FAT4: variants seen among roughly 807,000 people sequenced by gnomAD.
The protein encoded by FAT4 is protocadherin Fat 4.
FAT4 carries 84 observed loss-of-function variants against 303.9 expected under a neutral mutation model. The observed-to-expected ratio is 0.28, with a 90% CI of 0.23 to 0.33. FAT4 has a LOEUF of 0.33. Among genes scored for constraint, FAT4 ranks in the 10% least tolerant of loss-of-function variants. The pLI is 1.00. For missense variants in FAT4, 6,005 were observed against 6,146.8 expected, an observed-to-expected ratio of 0.98 and a Z score of 0.77; for synonymous variants, 2,307 against 2,298.8, an observed-to-expected ratio of 1.00 and a Z score of -0.10.
chr4:125,366,772 G>T (rs1027986541), intron 2 of FAT4, among the ~76,000 whole-genome samples: 1 of 151,870 alleles, frequency 6.6e-6, no homozygotes, highest in African/African-American at 2.4e-5. Flanking sequence ...TTATTTTTTT[G>T]ACTTTTTAGT....
chr4:125,375,475 C>T (rs1395670438), intron 2 of FAT4, among the ~76,000 whole-genome samples: 6 of 152,268 alleles, frequency 3.9e-5, no homozygotes, highest in Non-Finnish European at 7.4e-5. Flanking sequence ...ACATTCTTGC[C>T]CAGGCCTTGG....
chr4:125,455,941 C>A (rs1726263555), intron 10 of FAT4, among the ~76,000 whole-genome samples: 1 of 152,138 alleles, frequency 6.6e-6, no homozygotes, highest in Admixed American at 6.6e-5. Flanking sequence ...GAACATTCAC[C>A]AATGGGCGCA....
chr4:125,392,701 TA>T (rs1404806948), intron 2 of FAT4, among the ~76,000 whole-genome samples: 1 of 152,166 alleles, frequency 6.6e-6, no homozygotes, highest in Non-Finnish European at 1.5e-5. Flanking sequence ...TAAAAGAACC[TA>T]AAAATAGGCA....
intron 10 of FAT4, among the ~76,000 whole-genome samples, chr4:125,454,875 T>G (rs1370079689): frequency 1.3e-5 from 2 of 152,176 alleles, no homozygotes. Flanking sequence ...CTGTGCAGTA[T>G]TCAGTAATTG....
rs995967911 is a variant in FAT4, at chr4:125,319,775, G to C, written c.3364G>C (p.Val1122Leu). Residue 1122 changes from valine (V) to leucine (L), a missense_variant, in exon 2 of 18, where the codon GTA (valine) becomes CTA (leucine). Val to Leu is a conservative substitution (Grantham distance 32). Coordinates refer to ENST00000394329, the MANE Select transcript of FAT4 (RefSeq NM_001291303.3). ...EQRAGSFVGK[V>L]SAVDKDFGPN... ...GAGGGCTGGGTCGTTTGTGGGCAAA[G>C]TAAGTGCTGTAGATAAAGACTTTGG... 3.7e-6 allele frequency: 6 copies of C among 1,614,226 alleles called. No homozygotes were observed. Among genetic ancestry groups the C allele is most frequent in the Non-Finnish European group, 5.1e-6 (6 of 1,180,042 alleles).
chr4:125,408,729 C>A lies in FAT4; in HGVS notation c.5855C>A (p.Ser1952Tyr). The A allele has an allele frequency of 6.2e-7, 1 of 1,609,676 alleles. No homozygotes were observed. Among genetic ancestry groups the A allele is most frequent in the Non-Finnish European group, 8.5e-7 (1 of 1,177,316 alleles). Residue 1952 changes from serine to tyrosine, a missense_variant, in exon 5 of 18, where the codon TCT (serine) becomes TAT (tyrosine). Physicochemically the swap from Ser to Tyr is moderately radical, Grantham distance 144. Transcript: ENST00000394329. The part of the protein sequence containing the change: ...PIFSLNSYST[S>Y]LMENLPVGST... ...TTCAGCTTGAATTCATACAGCACATCTTTAATGGAGAATCTACCTGTGGGA... is the reference window on the plus strand; with the variant it reads ...TTCAGCTTGAATTCATACAGCACATATTTAATGGAGAATCTACCTGTGGGA...
chr4:125,345,971 T>C (rs1027718956), intron 2 of FAT4, among the ~76,000 whole-genome samples: 9 of 151,010 alleles, frequency 6.0e-5, no homozygotes, highest in Non-Finnish European at 1.2e-4. Context: ...CCTCCCCCTC[T>C]TTTTTTTTAT....
chr4:125,405,759 C>G (rs1421892124), intron 3 of FAT4, among the ~76,000 whole-genome samples: 1 of 151,994 alleles, frequency 6.6e-6, no homozygotes, highest in Admixed American at 6.6e-5. Context: ...ACCTTAGCCT[C>G]CCAAAGTGCT....
At position 125,471,790 on chromosome 4, in the gene FAT4, G is replaced by A. The variant is rs1271593389; in HGVS notation, c.12213+2971G>A. Reference sequence around the variant, plus strand: ...CTGGTGGCCAGGCGGGGTGGCTCACGCCTGTAATCCCAGCACTTTGGGAGG... The same window carrying A: ...CTGGTGGCCAGGCGGGGTGGCTCACACCTGTAATCCCAGCACTTTGGGAGG... On this transcript the variant is annotated intron_variant, in intron 12 of 17. Coordinates refer to ENST00000394329, the MANE Select transcript of FAT4 (RefSeq NM_001291303.3). Among the ~76,000 whole-genome samples the A allele has an allele frequency of 4.7e-5, 7 of 149,450 alleles. No homozygotes were observed. In the East Asian group the frequency reaches 7.9e-4, roughly 17 times the overall value.
At chr4:125,330,347 G>A (rs1731331655) in intron 2 of FAT4, among the ~76,000 whole-genome samples, 1 of 152,060 alleles carries the variant, frequency 6.6e-6, no homozygotes, top group Non-Finnish European at 1.5e-5. Context: ...CTCCCATAAG[G>A]CTTACCAGCC....
intron 15 of FAT4, 46 bp from the exon 16 acceptor site, chr4:125,481,475 T>C: frequency 6.5e-7 from 1 of 1,544,256 alleles, no homozygotes; most frequent in South Asian, 1.1e-5. Flanking sequence ...CTCCAAGAAA[T>C]GCCAAATGAA....
At chr4:125,328,502 G>T (rs193006458) in intron 2 of FAT4, among the ~76,000 whole-genome samples, 81 of 152,272 alleles carry the variant, frequency 5.3e-4, no homozygotes, top group African/African-American at 1.9e-3. Context: ...AAAAACCAAA[G>T]AATTTTAAGG....
chr4:125,413,756 TAAAGA>T (rs1217455386), intron 5 of FAT4, among the ~76,000 whole-genome samples: 2 of 151,958 alleles, frequency 1.3e-5, no homozygotes, highest in African/African-American at 4.8e-5. Flanking sequence ...AGAATTTTTT[TAAAGA>T]AAAGAGTAAA....
intron 16 of FAT4, 140 bp downstream of exon 16, chr4:125,481,878 A>G (rs1560634331): frequency 7.1e-6 from 5 of 704,024 alleles, no homozygotes; most frequent in South Asian, 3.7e-5. Context: ...TTCCAATGTC[A>G]TCTATCTTAA....
At chr4:125,390,773 T>G (rs1421517024) in intron 2 of FAT4, among the ~76,000 whole-genome samples, 1 of 152,172 alleles carries the variant, frequency 6.6e-6, no homozygotes, top group Non-Finnish European at 1.5e-5. Context: ...AGATGGGCAA[T>G]GTGTAGGACC....
In FAT4 at chr4:125,450,487, C is replaced by T. The variant is rs1726017866; in HGVS notation, c.9477C>T (p.Cys3159=). 1.9e-6 allele frequency: 3 copies of T among 1,613,946 alleles called. No individual in the cohort carries two copies. In the African/African-American group the frequency reaches 4.0e-5, roughly 22 times the overall value. Residue 3159 remains cysteine, a synonymous_variant, in exon 10 of 18, where the codon TGC becomes TGT. Coordinates refer to ENST00000394329, the MANE Select transcript of FAT4 (RefSeq NM_001291303.3). ...CCAAAGCTCTTGATTATGAGCTATG[C>T]CAGAAACACGAAATGACGATTAGTG... ...TLAKALDYEL[C]QKHEMTISAI... is the part of the protein sequence containing the mutation.
chr4:125,315,700 C>G lies in FAT4; in HGVS notation c.-290C>G, dbSNP rs1434308889. Among the ~76,000 whole-genome samples the G allele has an allele frequency of 6.6e-6, 1 of 152,174 alleles. No individual in the cohort carries two copies. The highest frequency in any genetic ancestry group is 1.5e-5 in the Non-Finnish European group (1 of 68,020). On this transcript the variant is annotated 5_prime_UTR_variant, in exon 1 of 18. Transcript: ENST00000394329. ...GGAGGGGAAGGGGCAGAGTTGAGCGCTCCCGGGTACGGGAGCCAGAGCGCG... is the reference window on the plus strand; with the variant it reads ...GGAGGGGAAGGGGCAGAGTTGAGCGGTCCCGGGTACGGGAGCCAGAGCGCG...
rs768198021 is a variant in FAT4 at position 125,447,780 on chromosome 4, C to G, written c.7451-681C>G. 5.3e-5 allele frequency among the ~76,000 whole-genome samples: 8 copies of G among 152,074 alleles called. 1 individual carries two copies. The highest frequency in any genetic ancestry group is 1.2e-4 in the Non-Finnish European group (8 of 68,004). On this transcript the variant is annotated intron_variant, in intron 9 of 17. Coordinates refer to ENST00000394329, the MANE Select transcript of FAT4 (RefSeq NM_001291303.3). ...CATTGGCACTCAGTCTAAGCACTAA[C>G]TTTTGGAGTCCAAGTTGAGTCCATT...
chr4:125,431,891 C>CA (rs1420442453), intron 7 of FAT4, among the ~76,000 whole-genome samples: 1 of 151,956 alleles, frequency 6.6e-6, no homozygotes, highest in Non-Finnish European at 1.5e-5. Flanking sequence ...ATTCTACTAA[C>CA]ATTATTCAGA....
Sources: gnomAD v4.1 joint callset for allele counts (sites outside exome capture counted in the v4.1 genomes callset) on GRCh38, gnomAD v4.1.1 for gene constraint, MANE v1.5 for transcripts, NCBI Gene and HGNC (gene_info 2026-07-23, HGNC 2026-07-21) for gene names.